Variants in TSPAN33 observed in about 807,000 individuals in gnomAD.
TSPAN33 encodes tetraspanin 33, also known as tetraspanin-33.
Under a neutral mutation model 34.8 loss-of-function variants are expected in TSPAN33, and 27 were observed. That is an observed-to-expected ratio of 0.78 (90% CI 0.57 to 1.07). The LOEUF (loss-of-function observed/expected upper bound fraction) is 1.07, where lower values mean the gene tolerates loss of function less well. TSPAN33 is among the 50% of genes least tolerant of loss of function. TSPAN33 has a pLI of 0.00. For synonymous variants in TSPAN33, 119 were observed against 124.2 expected, an observed-to-expected ratio of 0.96 and a Z score of 0.28; for missense variants, 272 against 324.9, an observed-to-expected ratio of 0.84 and a Z score of 1.25.
At chr7:129,163,069 C>G (rs1156973319) in intron 4 of TSPAN33, among the ~76,000 whole-genome samples, 162 bp downstream of exon 4, 2 of 152,210 alleles carry the variant, frequency 1.3e-5, no homozygotes, top group East Asian at 3.8e-4. Flanking sequence ...GTAAACTCAT[C>G]ATATTTGAAG....
intron 1 of TSPAN33, among the ~76,000 whole-genome samples, chr7:129,147,602 A>G (rs987480230): frequency 1.3e-5 from 2 of 152,104 alleles, no homozygotes; most frequent in Non-Finnish European, 2.9e-5. Flanking sequence ...CACCATCCTA[A>G]TCAAATTCTG....
Position 129,147,344 on chromosome 7 carries a change from G to A in TSPAN33, c.102+2262G>A, listed in dbSNP as rs142974273. On this transcript the variant is annotated intron_variant, in intron 1 of 7. Transcript: ENST00000486685. ...GGATGAATGAATCATTTTGGGGACT[G>A]TTTTCTTTCTTCAAGACCTAGAGCT... Among the ~76,000 whole-genome samples, 462 of 152,320 alleles carry A rather than the reference G, an allele frequency of 3.0e-3. 7 individuals carry two copies. The highest frequency in any genetic ancestry group is 0.011 in the African/African-American group (445 of 41,566).
intron 1 of TSPAN33, among the ~76,000 whole-genome samples, chr7:129,159,481 A>G (rs1042534082): frequency 1.3e-5 from 2 of 152,226 alleles, no homozygotes; most frequent in Non-Finnish European, 2.9e-5. Flanking sequence ...ATCAGATACC[A>G]TCTTTGTGGA....
chr7:129,156,202 G>C (rs1366263122), intron 1 of TSPAN33, among the ~76,000 whole-genome samples: 1 of 152,164 alleles, frequency 6.6e-6, no homozygotes, highest in East Asian at 1.9e-4. Flanking sequence ...TTGTAATACT[G>C]GGGTTATGGC....
At position 129,169,407 on chromosome 7, in the gene TSPAN33, A is replaced by G. The variant is rs1793199069; in HGVS notation, c.*1533A>G. 1 of 152,122 alleles carries G rather than the reference A, an allele frequency of 6.6e-6. No individual in the cohort carries two copies. Among genetic ancestry groups the G allele is most frequent in the African/African-American group, 2.4e-5 (1 of 41,428 alleles). The allele number at this position is 152,122 out of a possible 1,614,324, so 9.4% of individuals were successfully genotyped here. A position where few individuals can be genotyped will look rare whatever the true frequency, so the allele number is the denominator to read the frequency against. Reference sequence around the variant, plus strand: ...GCCTGCGTCCCCCAACCCGGAGGAGATGGGGGGCTGTGCTAGCTGCTTGCC... The same window carrying G: ...GCCTGCGTCCCCCAACCCGGAGGAGGTGGGGGGCTGTGCTAGCTGCTTGCC... On this transcript the variant is annotated 3_prime_UTR_variant, in exon 8 of 8. Coordinates refer to ENST00000486685, the MANE Select transcript of TSPAN33 (RefSeq NM_178562.5).
intron 1 of TSPAN33, among the ~76,000 whole-genome samples, chr7:129,146,937 G>C (rs1253546260): frequency 6.6e-6 from 1 of 151,910 alleles, no homozygotes; most frequent in East Asian, 1.9e-4. Context: ...TGTGTTCCTG[G>C]TCATTTTTTT....
intron 1 of TSPAN33, among the ~76,000 whole-genome samples, chr7:129,153,059 C>CAAAAAAA (rs35432172): frequency 2.5e-4 from 21 of 82,450 alleles, no homozygotes; most frequent in African/African-American, 3.4e-4. Context: ...AACTCCGTCT[C>CAAAAAAA]AAAAAAAAAA....
chr7:129,155,291 C>T (rs554396734), intron 1 of TSPAN33, among the ~76,000 whole-genome samples: 3 of 152,300 alleles, frequency 2.0e-5, no homozygotes, highest in African/African-American at 4.8e-5. Context: ...TTCATAGGTA[C>T]AAACATATGG....
At chr7:129,155,158 A>G (rs138338124) in intron 1 of TSPAN33, among the ~76,000 whole-genome samples, 2 of 152,388 alleles carry the variant, frequency 1.3e-5, no homozygotes, top group African/African-American at 4.8e-5. Context: ...TGAGCACAGA[A>G]AGACAAATAT....
chr7:129,147,028 G>T (rs1273752905), intron 1 of TSPAN33, among the ~76,000 whole-genome samples: 3 of 151,294 alleles, frequency 2.0e-5, no homozygotes, highest in African/African-American at 7.3e-5. Flanking sequence ...TCAGCCAGGA[G>T]AGAGTTTGGC....
Position 129,145,372 on chromosome 7 carries a change from A to G in TSPAN33, c.102+290A>G, listed in dbSNP as rs568225844. Reference sequence around the variant, plus strand: ...GGGTTTGAGGGAGCCTGTTGGCCCAAGGCGGACCCACTGACACATTCATGA... The same window carrying G: ...GGGTTTGAGGGAGCCTGTTGGCCCAGGGCGGACCCACTGACACATTCATGA... On this transcript the variant is annotated intron_variant, in intron 1 of 7. Transcript: ENST00000486685. 3.8e-3 allele frequency among the ~76,000 whole-genome samples: 578 copies of G among 151,902 alleles called. 4 individuals are homozygous for G. The highest frequency in any genetic ancestry group is 0.027 in the Middle Eastern group (8 of 294).
At chr7:129,149,627 C>T (rs112804725) in intron 1 of TSPAN33, among the ~76,000 whole-genome samples, 3,349 of 152,304 alleles carry the variant, frequency 0.022, 119 homozygotes, top group African/African-American at 0.077. Flanking sequence ...CCAGTCCCTC[C>T]GGGGCTTTGA....
chr7:129,153,782 A>C (rs998668257), intron 1 of TSPAN33, among the ~76,000 whole-genome samples: 2 of 151,980 alleles, frequency 1.3e-5, no homozygotes, highest in Non-Finnish European at 2.9e-5. Context: ...CTCTACAAAA[A>C]AATTTAAAAA....
At chr7:129,147,431 G>T (rs565122579) in intron 1 of TSPAN33, among the ~76,000 whole-genome samples, 3 of 152,144 alleles carry the variant, frequency 2.0e-5, no homozygotes, top group Non-Finnish European at 1.5e-5. Flanking sequence ...TACTTTTCAG[G>T]TGTTATTGAA....
At chr7:129,160,234 G>T (rs1013574534) in intron 1 of TSPAN33, among the ~76,000 whole-genome samples, 1 of 152,164 alleles carries the variant, frequency 6.6e-6, no homozygotes, top group Non-Finnish European at 1.5e-5. Context: ...TGTTCTGGGG[G>T]CCTAGCTCCC....
intron 1 of TSPAN33, among the ~76,000 whole-genome samples, chr7:129,150,808 C>A (rs1028134220): frequency 6.6e-6 from 1 of 152,036 alleles, no homozygotes; most frequent in Non-Finnish European, 1.5e-5. Context: ...GAGCGCTCCT[C>A]CAGGGAGGAG....
At chr7:129,166,742 T>C (rs1176439488) in intron 5 of TSPAN33, 36 bp from the exon 6 acceptor site, 2 of 1,609,800 alleles carry the variant, frequency 1.2e-6, no homozygotes, top group East Asian at 2.2e-5. Flanking sequence ...GTGTGAGGGG[T>C]GGGTGATTCT....
chr7:129,160,873 T>G (rs1233104906), intron 1 of TSPAN33, among the ~76,000 whole-genome samples: 1 of 152,258 alleles, frequency 6.6e-6, no homozygotes, highest in African/African-American at 2.4e-5. Context: ...CTGGGCAAGT[T>G]AACTATTAAT....
chr7:129,162,699 C>A, intron 3 of TSPAN33, 134 bp from the exon 4 acceptor site: 1 of 1,395,904 alleles, frequency 7.2e-7, no homozygotes. Flanking sequence ...AAGACAGTGT[C>A]CCAGAGGCAG....
Sources: gnomAD v4.1 joint callset for allele counts (sites outside exome capture counted in the v4.1 genomes callset) on GRCh38, gnomAD v4.1.1 for gene constraint, MANE v1.5 for transcripts, NCBI Gene and HGNC (gene_info 2026-07-23, HGNC 2026-07-21) for gene names.